The following NFATC2 variants were observed in gnomAD, a reference collection of about 807,000 sequenced individuals.
The protein encoded by NFATC2 is nuclear factor of activated T-cells, cytoplasmic 2.
In NFATC2, 22 loss-of-function variants were observed where a neutral mutation model predicts 87.3. That is an observed-to-expected ratio of 0.25 (90% CI 0.18 to 0.36). The LOEUF (loss-of-function observed/expected upper bound fraction) is 0.36, where lower values mean the gene tolerates loss of function less well. Ranked by LOEUF, NFATC2 falls within the 10% of genes least tolerant of loss-of-function variation. The pLI, the probability that NFATC2 is intolerant of heterozygous loss-of-function variation, is 1.00. For missense variants in NFATC2, 1,149 were observed against 1,259.1 expected, an observed-to-expected ratio of 0.91 and a Z score of 1.32; for synonymous variants, 565 against 542.2, an observed-to-expected ratio of 1.04 and a Z score of -0.58.
chr20:51,487,943 G>C (rs961436300), intron 3 of NFATC2, among the ~76,000 whole-genome samples: 1 of 152,148 alleles, frequency 6.6e-6, no homozygotes, highest in Admixed American at 6.5e-5. Flanking sequence ...GACTCAGCAC[G>C]GCGAGACGGC....
At chr20:51,475,745 G>T in intron 3 of NFATC2, 85 bp from the exon 4 acceptor site, 2 of 1,322,586 alleles carry the variant, frequency 1.5e-6, no homozygotes, top group African/African-American at 1.5e-5. Context: ...AGAGCTCATG[G>T]GCAGTAGAGA....
intron 3 of NFATC2, among the ~76,000 whole-genome samples, chr20:51,482,818 A>G (rs765774610): frequency 6.6e-6 from 1 of 152,254 alleles, no homozygotes; most frequent in African/African-American, 2.4e-5. Flanking sequence ...ACACAGATCA[A>G]CATATTGGCA....
intron 3 of NFATC2, among the ~76,000 whole-genome samples, chr20:51,478,113 T>C (rs1334897230): frequency 2.0e-5 from 3 of 152,106 alleles, no homozygotes; most frequent in African/African-American, 7.2e-5. Flanking sequence ...TGCTAGATGA[T>C]CACCTTTTTT....
chr20:51,456,314 C>T (rs1171026014), intron 5 of NFATC2, among the ~76,000 whole-genome samples: 1 of 152,062 alleles, frequency 6.6e-6, no homozygotes, highest in African/African-American at 2.4e-5. Flanking sequence ...TCATAGCAAC[C>T]CTCTGAGGAA....
chr20:51,395,037 G>A (rs931045420), intron 10 of NFATC2, among the ~76,000 whole-genome samples: 2 of 152,184 alleles, frequency 1.3e-5, no homozygotes, highest in African/African-American at 2.4e-5. Context: ...AGGTCCCTTG[G>A]TTTAAGGAAG....
chr20:51,431,975 T>C, intron 9 of NFATC2, 92 bp downstream of exon 9: 1 of 1,338,062 alleles, frequency 7.5e-7, no homozygotes, highest in Non-Finnish European at 1.0e-6. Flanking sequence ...CCAAAGAGAT[T>C]ACGGAATCCG....
intron 7 of NFATC2, 136 bp downstream of exon 7, chr20:51,435,570 A>T: frequency 1.1e-6 from 1 of 952,278 alleles, no homozygotes; most frequent in Non-Finnish European, 1.6e-6. Flanking sequence ...TCACTCATTA[A>T]TATGCACATA....
chr20:51,501,843 T>G (rs1175363935), intron 3 of NFATC2, among the ~76,000 whole-genome samples: 2 of 152,168 alleles, frequency 1.3e-5, no homozygotes, highest in African/African-American at 4.8e-5. Context: ...AAGGACAAGA[T>G]AGGAAACATT....
At chr20:51,483,571 A>G (rs1379827040) in intron 3 of NFATC2, among the ~76,000 whole-genome samples, 2 of 151,492 alleles carry the variant, frequency 1.3e-5, no homozygotes, top group Non-Finnish European at 2.9e-5. Flanking sequence ...AAGTTGCAGC[A>G]CGTACCTGCC....
chr20:51,401,507 G>GGTAA (rs764683894), intron 9 of NFATC2, among the ~76,000 whole-genome samples: 6 of 152,298 alleles, frequency 3.9e-5, no homozygotes, highest in African/African-American at 1.2e-4. Context: ...TTAAATGGGA[G>GGTAA]GTAAGTCCAT....
At chr20:51,536,329 A>G (rs2076719247) in intron 1 of NFATC2, among the ~76,000 whole-genome samples, 2 of 152,218 alleles carry the variant, frequency 1.3e-5, no homozygotes, top group South Asian at 2.1e-4. Flanking sequence ...TATAGTGCTG[A>G]TGGCAGGGAC....
chr20:51,395,141 G>A (rs183820544), intron 10 of NFATC2, among the ~76,000 whole-genome samples: 1 of 152,286 alleles, frequency 6.6e-6, no homozygotes, highest in Non-Finnish European at 1.5e-5. Flanking sequence ...CACATTTCCT[G>A]AGAGCTGTGT....
chr20:51,516,912 A>G lies in NFATC2; in HGVS notation c.1204T>C (p.Ser402Pro), dbSNP rs370340249. ...ASLPPLEWPL[S>P]SQSGSYELRI... ...AGCTCGTAAGAGCCTGACTGACTGGACAGCGGCCACTCAAGTGGAGGGAGG... is the reference window on the plus strand; with the variant it reads ...AGCTCGTAAGAGCCTGACTGACTGGGCAGCGGCCACTCAAGTGGAGGGAGG... The change falls in exon 3 of 11, where the codon TCC (serine) becomes CCC (proline). Residue 402 changes from serine (S) to proline (P), a missense_variant. Physicochemically the swap from Ser to Pro is moderately conservative, Grantham distance 74. Around this residue, in one of 3 missense-constraint regions of NFATC2, gnomAD observed 563 missense variants for 585.2 expected, o/e 0.96. Coordinates refer to ENST00000371564, the MANE Select transcript of NFATC2 (RefSeq NM_012340.5). 2.7e-5 allele frequency: 44 copies of G among 1,613,990 alleles called. No homozygotes were observed. The highest frequency in any genetic ancestry group is 3.5e-5 in the Non-Finnish European group (41 of 1,179,992).
intron 6 of NFATC2, among the ~76,000 whole-genome samples, chr20:51,446,862 A>G (rs992674305): frequency 6.6e-6 from 1 of 152,216 alleles, no homozygotes; most frequent in Admixed American, 6.5e-5. Flanking sequence ...CACAGAGGGC[A>G]AAGGTCCGGA....
rs115168103 is a variant in NFATC2, at chr20:51,409,022, C to T, written c.2723-10292G>A. Reference sequence around the variant, plus strand: ...TAACTACATGAAAATTTTCTGTTCACCGAAAGACATCATTTTACATGTACC... The same window carrying T: ...TAACTACATGAAAATTTTCTGTTCATCGAAAGACATCATTTTACATGTACC... On this transcript the variant is annotated intron_variant, in intron 9 of 10. Transcript: ENST00000371564. Among the ~76,000 whole-genome samples, 143 of 152,288 alleles carry T rather than the reference C, an allele frequency of 9.4e-4. 1 individual carries two copies. Among genetic ancestry groups the T allele is most frequent in the African/African-American group, 3.4e-3 (141 of 41,552 alleles).
At chr20:51,530,942 G>A (rs2076623594) in intron 1 of NFATC2, among the ~76,000 whole-genome samples, 2 of 152,178 alleles carry the variant, frequency 1.3e-5, no homozygotes, top group East Asian at 3.8e-4. Context: ...AGGCAGATAG[G>A]AGTCTTACAT....
intron 2 of NFATC2, among the ~76,000 whole-genome samples, chr20:51,518,858 T>C (rs112296199): frequency 4.6e-4 from 70 of 152,268 alleles, no homozygotes; most frequent in African/African-American, 1.7e-3. Flanking sequence ...TGGAGTACAG[T>C]GGTGCAATCA....
At chr20:51,400,907 G>A (rs1026238474) in intron 9 of NFATC2, among the ~76,000 whole-genome samples, 4 of 152,170 alleles carry the variant, frequency 2.6e-5, no homozygotes, top group Non-Finnish European at 5.9e-5. Context: ...CTGGGCTAGG[G>A]TTTCCCCAAT....
At chr20:51,504,858 A>G (rs2076149482) in intron 3 of NFATC2, among the ~76,000 whole-genome samples, 1 of 152,158 alleles carries the variant, frequency 6.6e-6, no homozygotes, top group African/African-American at 2.4e-5. Context: ...ATAACCTGAT[A>G]TAGACTCAAA....
Sources: gnomAD v4.1 joint callset for allele counts (sites outside exome capture counted in the v4.1 genomes callset) on GRCh38, gnomAD v4.1.1 for gene constraint, gnomAD v4.1.1 regional missense constraint, MANE v1.5 for transcripts, NCBI Gene and HGNC (gene_info 2026-07-23, HGNC 2026-07-21) for gene names.